The following HSD17B12 variants were observed in gnomAD, a reference collection of about 807,000 sequenced individuals.
HSD17B12 encodes the protein very-long-chain 3-oxoacyl-CoA reductase.
A neutral mutation model predicts 39.3 loss-of-function variants in HSD17B12; 32 were observed. That is an observed-to-expected ratio of 0.81 (90% CI 0.61 to 1.09). The LOEUF (loss-of-function observed/expected upper bound fraction) is 1.09, where lower values mean the gene tolerates loss of function less well. HSD17B12 is among the 50% of genes least tolerant of loss of function. The pLI is 0.00. For synonymous variants in HSD17B12, 150 were observed against 146.7 expected (o/e 1.02, Z -0.16); for missense variants, 342 against 382.9 (o/e 0.89, Z 0.89).
intron 1 of HSD17B12, among the ~76,000 whole-genome samples, chr11:43,742,233 G>T (rs1264658209): frequency 1.3e-5 from 2 of 150,456 alleles, no homozygotes; most frequent in Non-Finnish European, 2.9e-5. Context: ...AACTTCCTGA[G>T]CTCAGAGGAT....
chr11:43,622,074 C>A, the HSD17B12 span, among the ~76,000 whole-genome samples: 58,032 of 152,038 alleles, frequency 0.38, 12,509 homozygotes, highest in East Asian at 0.74. Context: ...GATGCACCAG[C>A]CTTTTCCCCT....
At chr11:43,724,215 T>G (rs1023458247) in intron 1 of HSD17B12, 2 of 132,804 alleles carry the variant, frequency 1.5e-5, no homozygotes, top group African/African-American at 5.8e-5. Flanking sequence ...TTTATGTGTA[T>G]GCTCTGTGTG....
At chr11:43,686,764 A>G (rs1949804215) in intron 1 of HSD17B12, among the ~76,000 whole-genome samples, 1 of 152,184 alleles carries the variant, frequency 6.6e-6, no homozygotes, top group Non-Finnish European at 1.5e-5. Context: ...TCTGTAAAAC[A>G]GATAGTACAT....
the HSD17B12 span, among the ~76,000 whole-genome samples, chr11:43,621,269 T>C: frequency 2.0e-5 from 3 of 152,136 alleles, no homozygotes; most frequent in Non-Finnish European, 4.4e-5. Flanking sequence ...CAGAAATGAA[T>C]ATAAATAAGA....
chr11:43,771,462 C>CTTTT lies in HSD17B12; in HGVS notation c.283+17360_283+17363dup, dbSNP rs34783257. ...ATATATGTAGGAGTGGACTCATATT[C>CTTTT]TTTTTTTTTTTTTTTTTTTTTTGAG... On this transcript the variant is annotated intron_variant, in intron 3 of 10. Transcript: ENST00000278353. Among the ~76,000 whole-genome samples, 183 of 90,616 alleles carry CTTTT rather than the reference C, an allele frequency of 2.0e-3. 2 individuals carry two copies. Among genetic ancestry groups the CTTTT allele is most frequent in the African/African-American group, 4.0e-3 (88 of 22,222 alleles). The allele number at this position is 90,616 out of a possible 152,430, so 59.4% of individuals were successfully genotyped here. A position where few individuals can be genotyped will look rare whatever the true frequency, so the allele number is the denominator to read the frequency against.
intron 9 of HSD17B12, among the ~76,000 whole-genome samples, chr11:43,841,796 T>C (rs1565109362): frequency 6.6e-6 from 1 of 152,234 alleles, no homozygotes; most frequent in Non-Finnish European, 1.5e-5. Flanking sequence ...GTGTTCATTG[T>C]GGCTTTCATT....
intron 3 of HSD17B12, among the ~76,000 whole-genome samples, chr11:43,766,811 G>A (rs16937628): frequency 6.6e-6 from 1 of 152,138 alleles, no homozygotes; most frequent in East Asian, 1.9e-4. Flanking sequence ...GGCACACATG[G>A]TTTTTTAAGC....
At chr11:43,638,742 C>G in the HSD17B12 span, among the ~76,000 whole-genome samples, 2 of 152,082 alleles carry the variant, frequency 1.3e-5, no homozygotes, top group Non-Finnish European at 2.9e-5. Flanking sequence ...TAAGTTTATG[C>G]CTAATGCTTT....
intron 3 of HSD17B12, among the ~76,000 whole-genome samples, chr11:43,767,002 G>C (rs1400962123): frequency 5.3e-5 from 8 of 152,134 alleles, no homozygotes; most frequent in Non-Finnish European, 1.5e-5. Context: ...AGCTAAATTA[G>C]CATGTGTTGG....
intron 1 of HSD17B12, among the ~76,000 whole-genome samples, chr11:43,745,180 C>G (rs146849117): frequency 2.1e-4 from 32 of 152,326 alleles, no homozygotes; most frequent in African/African-American, 7.5e-4. Flanking sequence ...AATCTCTAGA[C>G]CTGGCATATT....
At chr11:43,642,039 A>G in the HSD17B12 span, among the ~76,000 whole-genome samples, 4 of 151,854 alleles carry the variant, frequency 2.6e-5, no homozygotes, top group Non-Finnish European at 1.5e-5. Flanking sequence ...ATATATTCTT[A>G]AAAGTATACA....
chr11:43,795,003 G>A (rs1950903758), intron 3 of HSD17B12, among the ~76,000 whole-genome samples: 1 of 150,656 alleles, frequency 6.6e-6, no homozygotes, highest in Non-Finnish European at 1.5e-5. Context: ...CTGTTGCTGA[G>A]TTGTAGACTG....
At position 43,798,367 on chromosome 11, in the gene HSD17B12, T is replaced by A; in HGVS notation, c.331T>A (p.Ser111Thr). ...ETRTIAVDFA[S>T]EDIYDKIKTG... ...AAGAACCATTGCTGTTGACTTTGCATCAGAAGATATTTATGATAAAATTAA... is the reference window on the plus strand; with the variant it reads ...AAGAACCATTGCTGTTGACTTTGCAACAGAAGATATTTATGATAAAATTAA... The change falls in exon 4 of 11, where the codon TCA becomes ACA. Residue 111 changes from serine to threonine, a missense_variant. Physicochemically the swap from Ser to Thr is moderately conservative, Grantham distance 58 (BLOSUM62 1). Transcript: ENST00000278353. 6.2e-7 allele frequency: 1 copy of A among 1,612,698 alleles called. No individual in the cohort carries two copies. The highest frequency in any genetic ancestry group is 8.5e-7 in the Non-Finnish European group (1 of 1,179,118).
chr11:43,620,306 A>T, the HSD17B12 span, among the ~76,000 whole-genome samples: 1 of 152,214 alleles, frequency 6.6e-6, no homozygotes, highest in African/African-American at 2.4e-5. Context: ...ATAGATGAGG[A>T]AACTGAGGCT....
chr11:43,581,308 G>A, the HSD17B12 span: 9 of 469,046 alleles, frequency 1.9e-5, no homozygotes, highest in South Asian at 1.2e-4. This position sits in a 1 kb window ranked among gnomAD's most constrained non-coding sequence, Gnocchi z 4.9. Context: ...GATGGAACGC[G>A]CTGGGGAGAC....
the HSD17B12 span, among the ~76,000 whole-genome samples, chr11:43,630,311 G>C: frequency 6.6e-6 from 1 of 152,146 alleles, no homozygotes; most frequent in Non-Finnish European, 1.5e-5. Flanking sequence ...TGGACTAGAT[G>C]ATCTCTAAGT....
At chr11:43,643,977 A>C in the HSD17B12 span, among the ~76,000 whole-genome samples, 3 of 152,224 alleles carry the variant, frequency 2.0e-5, no homozygotes. Context: ...TTTCTCTGTC[A>C]AGGATAATTT....
the HSD17B12 span, among the ~76,000 whole-genome samples, chr11:43,583,773 C>T: frequency 5.9e-5 from 9 of 152,184 alleles, no homozygotes; most frequent in East Asian, 1.4e-3. Context: ...CTGATGGAAA[C>T]TTCCAGGCAC....
intron 2 of HSD17B12, 115 bp downstream of exon 2, chr11:43,751,072 G>C (rs942431295): frequency 1.7e-6 from 1 of 576,376 alleles, no homozygotes; most frequent in Non-Finnish European, 2.9e-6. Flanking sequence ...ATGTTGCATG[G>C]TACAATAGAT....
Sources: gnomAD v4.1 joint callset for allele counts (sites outside exome capture counted in the v4.1 genomes callset) on GRCh38, gnomAD v4.1.1 for gene constraint, Gnocchi (gnomAD v3.1) non-coding constraint, MANE v1.5 for transcripts, NCBI Gene and HGNC (gene_info 2026-07-23, HGNC 2026-07-21) for gene names.